The following DOP1A variants were observed in gnomAD, a reference collection of about 807,000 sequenced individuals.
The protein encoded by DOP1A is protein DOP1A.
In DOP1A, 90 loss-of-function variants were observed where a neutral mutation model predicts 267.6. The observed-to-expected ratio is 0.34, with a 90% CI of 0.28 to 0.40. DOP1A has a LOEUF of 0.40. Among genes scored for constraint, DOP1A ranks in the 10% least tolerant of loss-of-function variants. The pLI, the probability that DOP1A is intolerant of heterozygous loss-of-function variation, is 1.00. For missense variants in DOP1A, 2,437 were observed against 2,900.4 expected (o/e 0.84, Z 3.67); for synonymous variants, 932 against 999.1 (o/e 0.93, Z 1.27).
chr6:83,127,372 T>C (rs1174957903), intron 15 of DOP1A, among the ~76,000 whole-genome samples: 1 of 152,156 alleles, frequency 6.6e-6, no homozygotes, highest in Non-Finnish European at 1.5e-5. Context: ...AGGTTTGATA[T>C]CTTTCACTGT....
At chr6:83,162,679 T>G in intron 37 of DOP1A, 111 bp from the exon 38 acceptor site, 1 of 1,267,104 alleles carries the variant, frequency 7.9e-7, no homozygotes, top group Non-Finnish European at 1.1e-6. Context: ...CATCTGGCAT[T>G]TGAATTTTTA....
chr6:83,108,983 T>C lies in DOP1A; in HGVS notation c.394T>C (p.Tyr132His), dbSNP rs1021629316. Residue 132 changes from tyrosine (Y) to histidine (H), a missense_variant, in exon 5 of 39, where the codon TAT becomes CAT. Tyr to His is a moderately conservative substitution (Grantham distance 83, BLOSUM62 2). This residue lies in a region of DOP1A where 251 missense variants were observed against 359.1 expected (regional missense o/e 0.70). Coordinates refer to ENST00000349129, the MANE Select transcript of DOP1A (RefSeq NM_015018.4). ...AACATTGCTCAGTTTGTATGAGATA[T>C]ATTATCTGCCTTTGGGTAAAACACT... Reference protein sequence around the residue: ...KPTLLSLYEIYYLPLGKTLKP... With the variant: ...KPTLLSLYEIHYLPLGKTLKP... 2.5e-6 allele frequency: 4 copies of C among 1,613,762 alleles called. No homozygotes were observed. Among genetic ancestry groups the C allele is most frequent in the Non-Finnish European group, 2.5e-6 (3 of 1,179,906 alleles).
At chr6:83,097,408 G>A (rs749993559) in intron 3 of DOP1A, among the ~76,000 whole-genome samples, 20 of 152,202 alleles carry the variant, frequency 1.3e-4, no homozygotes, top group Non-Finnish European at 2.6e-4. Flanking sequence ...ATGAGGGCTA[G>A]TAAATTTCTG....
Position 83,122,972 on chromosome 6 carries a change from G to C in DOP1A, c.1330G>C (p.Glu444Gln). Residue 444 changes from glutamate to glutamine, a missense_variant, in exon 12 of 39, where the codon GAA becomes CAA. By Grantham distance (29) the Glu-to-Gln change is conservative. Around this residue, in one of 9 missense-constraint regions of DOP1A, gnomAD observed 498 missense variants for 513.5 expected, o/e 0.97. Coordinates refer to ENST00000349129, the MANE Select transcript of DOP1A (RefSeq NM_015018.4). ...MWDYVARWFEECCRRTLHVRL... is the reference protein window; with the variant it reads ...MWDYVARWFEQCCRRTLHVRL... Reference sequence around the variant, plus strand: ...GGATTATGTTGCACGCTGGTTTGAAGAATGTTGTAGGTATGTTAAACTTTC... The same window carrying C: ...GGATTATGTTGCACGCTGGTTTGAACAATGTTGTAGGTATGTTAAACTTTC... 1.9e-6 allele frequency: 3 copies of C among 1,580,102 alleles called. No homozygotes were observed. The highest frequency in any genetic ancestry group is 2.6e-6 in the Non-Finnish European group (3 of 1,168,446).
chr6:83,072,396 G>T (rs1407006801), intron 1 of DOP1A, among the ~76,000 whole-genome samples: 1 of 152,114 alleles, frequency 6.6e-6, no homozygotes, highest in Admixed American at 6.5e-5. Flanking sequence ...AGATTCCTGG[G>T]TTTTGTTTTT....
In DOP1A at chr6:83,132,157, T is replaced by C. The variant is rs1460805561; in HGVS notation, c.2617-19T>C. The stretch of plus-strand genomic sequence containing the variant: ...TCATGTATGGTATTGTGACTGTCAC[T>C]TTTACATCTTTTTTATAGCATGTAG... On this transcript the variant is annotated intron_variant, in intron 17 of 38. Transcript: ENST00000349129. 1.5e-5 allele frequency: 24 copies of C among 1,598,512 alleles called. No homozygotes were observed. The highest frequency in any genetic ancestry group is 1.9e-5 in the Non-Finnish European group (22 of 1,167,704).
At chr6:83,145,123 G>GTGTA (rs1554246599) in intron 24 of DOP1A, among the ~76,000 whole-genome samples, 3 of 47,966 alleles carry the variant, frequency 6.3e-5, no homozygotes, top group African/African-American at 2.3e-4. Flanking sequence ...TACATATATT[G>GTGTA]TATATATATA....
At chr6:83,068,762 C>T (rs1025675664) in intron 1 of DOP1A, among the ~76,000 whole-genome samples, 1 of 152,224 alleles carries the variant, frequency 6.6e-6, no homozygotes, top group East Asian at 1.9e-4. Flanking sequence ...CTAAGTAACT[C>T]ACCACCTGAT....
In DOP1A at chr6:83,129,343, C is replaced by A; in HGVS notation, c.2176C>A (p.Gln726Lys). 6.2e-7 allele frequency: 1 copy of A among 1,606,082 alleles called. No homozygotes were observed. The highest frequency in any genetic ancestry group is 8.5e-7 in the Non-Finnish European group (1 of 1,177,644). ...GETSKWDRNS[Q>K]GDVKEKNISK... ...GACTTCAAAATGGGACAGAAATTCA[C>A]AAGGAGATGTAAAAGAGAAAAACAT... is the stretch of plus-strand genomic sequence containing the variant. The change falls in exon 16 of 39, where the codon CAA becomes AAA. Residue 726 changes from glutamine (Q) to lysine (K), a missense_variant. Physicochemically the swap from Gln to Lys is moderately conservative, Grantham distance 53. This residue lies in a region of DOP1A where 498 missense variants were observed against 513.5 expected (regional missense o/e 0.97). Transcript: ENST00000349129.
intron 4 of DOP1A, 142 bp from the exon 5 acceptor site, chr6:83,108,767 AG>A (rs1774070403): frequency 4.3e-6 from 3 of 692,384 alleles, no homozygotes; most frequent in Non-Finnish European, 6.8e-6. Flanking sequence ...TAATGGATGT[AG>A]TCATTCATAT....
At chr6:83,144,068 T>G (rs150236697) in intron 24 of DOP1A, among the ~76,000 whole-genome samples, 1 of 152,188 alleles carries the variant, frequency 6.6e-6, no homozygotes, top group African/African-American at 2.4e-5. Flanking sequence ...CCAGCCAAAC[T>G]GTCACTCAAA....
rs1173686444 is a variant in DOP1A, at chr6:83,132,193, G to T, written c.2634G>T (p.Leu878Phe). 1 of 1,610,538 alleles carries T rather than the reference G, an allele frequency of 6.2e-7. No individual in the cohort carries two copies. Among genetic ancestry groups the T allele is most frequent in the South Asian group, 1.1e-5 (1 of 90,746 alleles). The change falls in exon 18 of 39, where the codon TTG becomes TTT. Residue 878 changes from leucine (L) to phenylalanine (F), a missense_variant. This residue lies in a region of DOP1A where 878 missense variants were observed against 992.9 expected (regional missense o/e 0.88). Coordinates refer to ENST00000349129, the MANE Select transcript of DOP1A (RefSeq NM_015018.4). The stretch of plus-strand genomic sequence containing the variant: ...TTTTATAGCATGTAGCTTTAACATT[G>T]TGGGACCAGTTGGGAGATGGGACAC... ...TEFFKHVALTLWDQLGDGTPQ... is the reference protein window; with the variant it reads ...TEFFKHVALTFWDQLGDGTPQ...
At chr6:83,093,005 G>C (rs1408410372) in intron 1 of DOP1A, among the ~76,000 whole-genome samples, 1 of 152,224 alleles carries the variant, frequency 6.6e-6, no homozygotes, top group Non-Finnish European at 1.5e-5. Context: ...CAGTGAAAAT[G>C]TGGATGGGGT....
chr6:83,167,730 G>A, intron 38 of DOP1A, 132 bp from the exon 39 acceptor site: 1 of 1,444,828 alleles, frequency 6.9e-7, no homozygotes, highest in Non-Finnish European at 9.1e-7. Flanking sequence ...TTTTGATCAG[G>A]TCAGGAGTTA....
chr6:83,119,612 C>G (rs1319572689), intron 8 of DOP1A, 136 bp from the exon 9 acceptor site: 1 of 577,344 alleles, frequency 1.7e-6, no homozygotes, highest in Admixed American at 3.3e-5. Context: ...CTAAAATGAT[C>G]TCTCTTGCTG....
chr6:83,144,804 T>G (rs1299782770), intron 24 of DOP1A, among the ~76,000 whole-genome samples: 1 of 151,948 alleles, frequency 6.6e-6, no homozygotes, highest in Non-Finnish European at 1.5e-5. Flanking sequence ...CTTTGGGGCA[T>G]GGGAAGGGAT....
chr6:83,100,970 T>A, intron 4 of DOP1A, 84 bp downstream of exon 4: 7 of 952,438 alleles, frequency 7.3e-6, no homozygotes, highest in Non-Finnish European at 9.8e-6. Flanking sequence ...CACTAAAAAC[T>A]AAAAATTGAA....
chr6:83,068,199 T>TTCAACAAA (rs1382163577), intron 1 of DOP1A, among the ~76,000 whole-genome samples: 1 of 152,208 alleles, frequency 6.6e-6, no homozygotes, highest in Non-Finnish European at 1.5e-5. Context: ...CGAGGCGTTG[T>TTCAACAAA]GCCTTCTCGG....
chr6:83,093,400 T>G (rs1188112623), intron 1 of DOP1A, among the ~76,000 whole-genome samples: 1 of 152,242 alleles, frequency 6.6e-6, no homozygotes, highest in Non-Finnish European at 1.5e-5. Context: ...AATTTTGATT[T>G]TATAAATCAA....
Sources: gnomAD v4.1 joint callset for allele counts (sites outside exome capture counted in the v4.1 genomes callset) on GRCh38, gnomAD v4.1.1 for gene constraint, gnomAD v4.1.1 regional missense constraint, MANE v1.5 for transcripts, NCBI Gene and HGNC (gene_info 2026-07-23, HGNC 2026-07-21) for gene names.